ANO2: variants seen among roughly 807,000 people sequenced by gnomAD.
The protein encoded by ANO2 is anoctamin 2, also known as anoctamin-2.
A neutral mutation model predicts 124.2 loss-of-function variants in ANO2; 101 were observed. The ratio of observed to expected loss-of-function variants is 0.81; its 90% CI spans 0.69 to 0.96. The LOEUF (loss-of-function observed/expected upper bound fraction) is 0.96, where lower values mean the gene tolerates loss of function less well. ANO2 is among the 40% of genes least tolerant of loss of function. The pLI is 0.00. For missense variants in ANO2, 1,293 were observed against 1,274.5 expected (o/e 1.01, Z -0.22); for synonymous variants, 486 against 482.5 (o/e 1.01, Z -0.09).
chr12:5,939,657 T>C (rs924829239), intron 1 of ANO2, among the ~76,000 whole-genome samples: 4 of 152,244 alleles, frequency 2.6e-5, no homozygotes, highest in Non-Finnish European at 4.4e-5. Context: ...TGAAGGATAC[T>C]ATATGAGTCA....
intron 9 of ANO2, among the ~76,000 whole-genome samples, chr12:5,802,919 G>A (rs1036141137): frequency 6.6e-6 from 1 of 152,230 alleles, no homozygotes; most frequent in Non-Finnish European, 1.5e-5. Flanking sequence ...ATGGATCAGA[G>A]ATAGAAGCAG....
intron 3 of ANO2, among the ~76,000 whole-genome samples, chr12:5,878,499 T>G (rs1048927969): frequency 1.1e-4 from 17 of 152,262 alleles, no homozygotes; most frequent in African/African-American, 4.1e-4. Flanking sequence ...GATAAATTCA[T>G]TGATTCACTA....
chr12:5,719,516 A>G (rs1340711976), intron 14 of ANO2, among the ~76,000 whole-genome samples: 1 of 152,042 alleles, frequency 6.6e-6, no homozygotes, highest in Non-Finnish European at 1.5e-5. Flanking sequence ...GAATGGATTC[A>G]TGATCTGAAA....
chr12:5,832,173 T>C (rs1954172666), intron 5 of ANO2, among the ~76,000 whole-genome samples: 1 of 152,208 alleles, frequency 6.6e-6, no homozygotes, highest in Non-Finnish European at 1.5e-5. Flanking sequence ...CCAAAGTTTA[T>C]TGTTGGCTGC....
intron 7 of ANO2, among the ~76,000 whole-genome samples, chr12:5,807,817 G>C (rs545379425): frequency 6.6e-6 from 1 of 152,188 alleles, no homozygotes; most frequent in African/African-American, 2.4e-5. Context: ...CTGATCTGCC[G>C]CCTGGACCAT....
intron 10 of ANO2, among the ~76,000 whole-genome samples, chr12:5,775,224 T>A (rs1025769626): frequency 9.2e-5 from 14 of 152,120 alleles, no homozygotes; most frequent in African/African-American, 3.1e-4. Context: ...CTCCCTTTTC[T>A]ACCACTAGAA....
intron 14 of ANO2, among the ~76,000 whole-genome samples, chr12:5,696,567 C>T (rs1278494561): frequency 6.6e-6 from 1 of 152,096 alleles, no homozygotes; most frequent in Non-Finnish European, 1.5e-5. Context: ...ATAACCCTGC[C>T]TTTCTATAAT....
intron 16 of ANO2, among the ~76,000 whole-genome samples, chr12:5,615,693 C>T (rs2136910455): frequency 6.6e-6 from 1 of 152,136 alleles, no homozygotes; most frequent in Non-Finnish European, 1.5e-5. Flanking sequence ...AACCAAGGTC[C>T]CTGGTCAAAA....
At chr12:5,910,248 C>T (rs1293934720) in intron 3 of ANO2, among the ~76,000 whole-genome samples, 4 of 152,218 alleles carry the variant, frequency 2.6e-5, no homozygotes, top group Admixed American at 2.0e-4. Context: ...GGCACAATCT[C>T]GGCTGACTGC....
chr12:5,614,947 C>G (rs1319601674), intron 17 of ANO2, among the ~76,000 whole-genome samples: 1 of 152,240 alleles, frequency 6.6e-6, no homozygotes, highest in Non-Finnish European at 1.5e-5. Context: ...TCAAAACTCT[C>G]TCTTCAGGGA....
intron 14 of ANO2, among the ~76,000 whole-genome samples, chr12:5,714,270 A>G (rs896658170): frequency 6.6e-6 from 1 of 152,208 alleles, no homozygotes; most frequent in Admixed American, 6.5e-5. Context: ...AGTCTAAAGG[A>G]AGGTCAAGGA....
chr12:5,733,823 C>G (rs561541242), intron 13 of ANO2, among the ~76,000 whole-genome samples: 22 of 152,396 alleles, frequency 1.4e-4, no homozygotes, highest in Admixed American at 1.2e-3. Context: ...GGTCTCCTCC[C>G]TCTCTGAATT....
intron 16 of ANO2, among the ~76,000 whole-genome samples, chr12:5,619,726 A>C (rs1370864508): frequency 6.6e-6 from 1 of 152,258 alleles, no homozygotes; most frequent in African/African-American, 2.4e-5. Flanking sequence ...GCCATGTGGA[A>C]CGCTGTCCTC....
chr12:5,575,459 C>T (rs1942341721), intron 23 of ANO2, among the ~76,000 whole-genome samples: 1 of 152,130 alleles, frequency 6.6e-6, no homozygotes, highest in Non-Finnish European at 1.5e-5. Context: ...CTGAGACATG[C>T]ATCATTAGGT....
At chr12:5,664,451 G>T (rs1417075816) in intron 14 of ANO2, among the ~76,000 whole-genome samples, 4 of 152,016 alleles carry the variant, frequency 2.6e-5, no homozygotes, top group African/African-American at 7.3e-5. Context: ...CTATGTTACA[G>T]GCTCTTTTAA....
intron 13 of ANO2, among the ~76,000 whole-genome samples, chr12:5,737,294 C>G (rs1244392516): frequency 6.6e-6 from 1 of 152,226 alleles, no homozygotes; most frequent in African/African-American, 2.4e-5. Context: ...CTTGGCCAGG[C>G]CCCTCTCAGC....
At chr12:5,877,615 C>G (rs188656832) in intron 3 of ANO2, among the ~76,000 whole-genome samples, 1 of 152,280 alleles carries the variant, frequency 6.6e-6, no homozygotes, top group African/African-American at 2.4e-5. Flanking sequence ...CTCAGTTTCC[C>G]CTGCTACAAA....
chr12:5,703,094 G>A (rs1949469537), intron 14 of ANO2, among the ~76,000 whole-genome samples: 1 of 147,864 alleles, frequency 6.8e-6, no homozygotes, highest in Admixed American at 6.7e-5. Flanking sequence ...CAACCTCAAT[G>A]CCCTTAAACA....
At chr12:5,676,663 T>C (rs181247135) in intron 14 of ANO2, among the ~76,000 whole-genome samples, 3 of 152,302 alleles carry the variant, frequency 2.0e-5, no homozygotes, top group African/African-American at 7.2e-5. Flanking sequence ...GTAACTTATT[T>C]TTAAATGCCC....
Sources: gnomAD v4.1 joint callset for allele counts (sites outside exome capture counted in the v4.1 genomes callset) on GRCh38, gnomAD v4.1.1 for gene constraint, MANE v1.5 for transcripts, NCBI Gene and HGNC (gene_info 2026-07-23, HGNC 2026-07-21) for gene names.